APBB2: variants seen among roughly 807,000 people sequenced by gnomAD.
The protein encoded by APBB2 is amyloid beta precursor protein binding family B member 2.
In APBB2, 38 loss-of-function variants were observed where a neutral mutation model predicts 82.5. The observed-to-expected ratio is 0.46, with a 90% CI of 0.36 to 0.60. The LOEUF (loss-of-function observed/expected upper bound fraction) is 0.60, where lower values mean the gene tolerates loss of function less well. Among genes scored for constraint, APBB2 ranks in the 20% least tolerant of loss-of-function variants. The pLI is 0.00. For missense variants in APBB2, 772 were observed against 972.3 expected (o/e 0.79, Z 2.74); for synonymous variants, 341 against 368.2 (o/e 0.93, Z 0.85).
chr4:40,982,281 A>AGAAGGAAGGAAG (rs1177096577), intron 6 of APBB2, among the ~76,000 whole-genome samples: 4 of 17,476 alleles, frequency 2.3e-4, no homozygotes, highest in South Asian at 1.8e-3. Context: ...AAAGAAAGAA[A>AGAAGGAAGGAAG]GAAGGAAGGA....
At chr4:40,905,188 G>A (rs568008701) in intron 10 of APBB2, among the ~76,000 whole-genome samples, 7 of 152,154 alleles carry the variant, frequency 4.6e-5, no homozygotes, top group African/African-American at 1.7e-4. Context: ...TATCGCCCAC[G>A]ATATCCATCT....
At chr4:41,200,124 G>A (rs192304601) in intron 1 of APBB2, among the ~76,000 whole-genome samples, 76 of 152,262 alleles carry the variant, frequency 5.0e-4, no homozygotes, top group African/African-American at 1.7e-3. Flanking sequence ...CACCTACATG[G>A]TGAAAAGCAC....
At chr4:41,099,855 T>C (rs1744769000) in intron 3 of APBB2, among the ~76,000 whole-genome samples, 1 of 152,170 alleles carries the variant, frequency 6.6e-6, no homozygotes, top group African/African-American at 2.4e-5. Flanking sequence ...GAGAGGATAT[T>C]TGTGTATGTT....
intron 6 of APBB2, among the ~76,000 whole-genome samples, chr4:41,008,941 T>C (rs183827632): frequency 2.0e-5 from 3 of 152,340 alleles, no homozygotes; most frequent in Admixed American, 6.5e-5. Flanking sequence ...TTGTACACTT[T>C]AGCAATGAAT....
At chr4:40,957,359 A>G (rs1030912053) in intron 6 of APBB2, among the ~76,000 whole-genome samples, 2 of 152,210 alleles carry the variant, frequency 1.3e-5, no homozygotes, top group African/African-American at 4.8e-5. Flanking sequence ...GATCAAGAAA[A>G]CTAGATAATA....
At chr4:41,058,273 G>A (rs564091934) in intron 4 of APBB2, among the ~76,000 whole-genome samples, 11 of 149,732 alleles carry the variant, frequency 7.3e-5, no homozygotes, top group South Asian at 2.1e-4. Context: ...TGGAAGTAGC[G>A]AATTACAAGA....
chr4:40,881,794 A>G (rs1189816386), intron 12 of APBB2, among the ~76,000 whole-genome samples: 2 of 151,932 alleles, frequency 1.3e-5, no homozygotes, highest in Non-Finnish European at 2.9e-5. Flanking sequence ...TCGGCCTCCC[A>G]AAGTGCTGGG....
intron 10 of APBB2, among the ~76,000 whole-genome samples, chr4:40,898,880 C>CAGAG (rs35370837): frequency 0.011 from 1,584 of 149,626 alleles, 15 homozygotes; most frequent in African/African-American, 0.025. Context: ...CACACACACA[C>CAGAG]AGAACACTGG....
Position 41,194,852 on chromosome 4 carries a change from T to C in APBB2, c.-417+19553A>G. Among the ~76,000 whole-genome samples the C allele has an allele frequency of 5.9e-5, 9 of 152,314 alleles. 1 individual carries two copies. The highest frequency in any genetic ancestry group is 1.9e-4 in the African/African-American group (8 of 41,566). On this transcript the variant is annotated intron_variant, in intron 1 of 17. Coordinates refer to ENST00000508593, the MANE Select transcript of APBB2 (RefSeq NM_004307.2). ...ACTCACTCACTCGTTTTTCTTTTTTTAATTTTTTCTTTTTTTATTTACGTA... is the reference window on the plus strand; with the variant it reads ...ACTCACTCACTCGTTTTTCTTTTTTCAATTTTTTCTTTTTTTATTTACGTA...
intron 1 of APBB2, among the ~76,000 whole-genome samples, chr4:41,213,068 T>G (rs990111997): frequency 6.9e-6 from 1 of 145,420 alleles, no homozygotes; most frequent in South Asian, 2.3e-4. Context: ...AGATTTTAAA[T>G]CTGAAACCAT....
chr4:41,174,958 G>A (rs969988979), intron 1 of APBB2, among the ~76,000 whole-genome samples: 2 of 152,090 alleles, frequency 1.3e-5, no homozygotes, highest in African/African-American at 4.8e-5. Context: ...TGAATATCCT[G>A]AGCGTTCCAG....
At chr4:40,833,127 C>G (rs1028889818) in intron 12 of APBB2, among the ~76,000 whole-genome samples, 1 of 152,208 alleles carries the variant, frequency 6.6e-6, no homozygotes. Flanking sequence ...TTCTGGTTCT[C>G]CTCCCTAGAG....
intron 6 of APBB2, among the ~76,000 whole-genome samples, chr4:40,985,949 C>T (rs142718292): frequency 6.1e-4 from 93 of 152,168 alleles, no homozygotes; most frequent in African/African-American, 1.6e-3. Flanking sequence ...TTTTCAACTC[C>T]GGTAATAGGT....
At chr4:41,139,875 CAA>C in intron 2 of APBB2, among the ~76,000 whole-genome samples, 1 of 152,180 alleles carries the variant, frequency 6.6e-6, no homozygotes, top group South Asian at 2.1e-4. Context: ...ACATACAACG[CAA>C]AGAGTGAACC....
intron 2 of APBB2, among the ~76,000 whole-genome samples, chr4:41,128,697 C>A (rs1292894964): frequency 1.3e-5 from 2 of 152,160 alleles, no homozygotes; most frequent in African/African-American, 4.8e-5. Context: ...ACAAACCAAA[C>A]CTGTGCCCTC....
At chr4:41,088,507 A>G (rs1740616659) in intron 3 of APBB2, among the ~76,000 whole-genome samples, 1 of 152,234 alleles carries the variant, frequency 6.6e-6, no homozygotes, top group Non-Finnish European at 1.5e-5. Flanking sequence ...CCCATTTTCA[A>G]TTATCCTGGG....
chr4:41,069,259 C>T (rs1733005722), intron 3 of APBB2, among the ~76,000 whole-genome samples: 1 of 152,176 alleles, frequency 6.6e-6, no homozygotes, highest in Admixed American at 6.5e-5. Context: ...TCCTAGCTGC[C>T]TCTTAAAACA....
intron 12 of APBB2, 87 bp downstream of exon 12, chr4:40,890,277 G>T: frequency 6.7e-7 from 1 of 1,490,838 alleles, no homozygotes; most frequent in Non-Finnish European, 9.0e-7. Flanking sequence ...TTCGTATTCC[G>T]TGAAATGCTG....
At chr4:40,901,305 T>C (rs1232140122) in intron 10 of APBB2, among the ~76,000 whole-genome samples, 1 of 152,188 alleles carries the variant, frequency 6.6e-6, no homozygotes. Flanking sequence ...CACTATTTTC[T>C]CAAGGTCTCT....
Sources: allele counts gnomAD v4.1 joint callset (sites outside exome capture counted in the v4.1 genomes callset), GRCh38; gene constraint gnomAD v4.1.1; transcripts MANE v1.5; gene names NCBI Gene and HGNC (gene_info 2026-07-23, HGNC 2026-07-21).